The following NSMCE2 variants were observed in gnomAD, a reference collection of about 807,000 sequenced individuals.
NSMCE2 encodes the protein E3 SUMO-protein ligase NSE2.
A neutral mutation model predicts 23.8 loss-of-function variants in NSMCE2; 24 were observed. That is an observed-to-expected ratio of 1.01 (90% confidence interval 0.73 to 1.42). The LOEUF is 1.42. Ranked by LOEUF, NSMCE2 falls within the 40% of genes most tolerant of loss-of-function variation. The pLI, the probability that NSMCE2 is intolerant of heterozygous loss-of-function variation, is 0.00. For synonymous variants in NSMCE2, 92 were observed against 94.1 expected, an observed-to-expected ratio of 0.98 and a Z score of 0.13; for missense variants, 284 against 296.5, an observed-to-expected ratio of 0.96 and a Z score of 0.31.
At chr8:125,341,897 GAAAA>G (rs61204647) in intron 5 of NSMCE2, among the ~76,000 whole-genome samples, 3,144 of 83,324 alleles carry the variant, frequency 0.038, 43 homozygotes, top group Middle Eastern at 0.065. Flanking sequence ...TCTAGAAATG[GAAAA>G]AAAAAAAAAA....
At chr8:125,206,896 A>G (rs927396686) in intron 5 of NSMCE2, among the ~76,000 whole-genome samples, 1 of 151,958 alleles carries the variant, frequency 6.6e-6, no homozygotes, top group Non-Finnish European at 1.5e-5. Flanking sequence ...CCTAGGGAGA[A>G]GAAGAAGAGG....
intron 5 of NSMCE2, among the ~76,000 whole-genome samples, chr8:125,255,287 G>A (rs1415377044): frequency 4.6e-5 from 7 of 152,176 alleles, no homozygotes; most frequent in African/African-American, 1.7e-4. Context: ...ATAAATGACT[G>A]TTGAGTTAAG....
At chr8:125,215,185 TC>T (rs1217318727) in intron 5 of NSMCE2, among the ~76,000 whole-genome samples, 1 of 123,730 alleles carries the variant, frequency 8.1e-6, no homozygotes, top group Non-Finnish European at 1.7e-5. Context: ...GTGCTATCCC[TC>T]CCCCCTCCCC....
intron 5 of NSMCE2, among the ~76,000 whole-genome samples, chr8:125,331,006 TAAGA>T (rs922994891): frequency 6.6e-6 from 1 of 152,116 alleles, no homozygotes; most frequent in South Asian, 2.1e-4. Context: ...TGTCATATAT[TAAGA>T]AAGAAAGGTG....
chr8:125,114,686 C>T (rs1818911812), intron 3 of NSMCE2, among the ~76,000 whole-genome samples: 1 of 152,134 alleles, frequency 6.6e-6, no homozygotes, highest in Non-Finnish European at 1.5e-5. Flanking sequence ...TGGGACAGCC[C>T]CTGCACAGCA....
chr8:125,356,326 GTTTTTTT>G lies in NSMCE2; in HGVS notation c.419-878_419-872del, dbSNP rs747884264. On this transcript the variant is annotated intron_variant, in intron 5 of 7. Coordinates refer to ENST00000287437, the MANE Select transcript of NSMCE2 (RefSeq NM_173685.4). ...TATTACTGTTACTTTTAATTTTTTG[GTTTTTTT>G]TTTTTTTTTTTTTTGAGACAGAGTC... is the stretch of plus-strand genomic sequence containing the variant. Among the ~76,000 whole-genome samples the G allele has an allele frequency of 3.1e-3, 323 of 105,462 alleles. 1 individual carries two copies. The highest frequency in any genetic ancestry group is 0.011 in the African/African-American group (309 of 28,072). 69.2% of individuals were successfully genotyped at this position (105,462 alleles called of 152,430 possible).
At position 125,278,170 on chromosome 8, in the gene NSMCE2, T is replaced by C. The variant is rs115413078; in HGVS notation, c.419-79049T>C. The stretch of plus-strand genomic sequence containing the variant: ...TGGAAGGAAGGAAGCATGGGTATTT[T>C]ACATTATTATTTTGTTTTGTTTTCT... On this transcript the variant is annotated intron_variant, in intron 5 of 7. Transcript: ENST00000287437. Among the ~76,000 whole-genome samples, 900 of 152,318 alleles carry C rather than the reference T, an allele frequency of 5.9e-3. 10 individuals are homozygous for C. The highest frequency in any genetic ancestry group is 0.019 in the African/African-American group (806 of 41,564).
At chr8:125,356,570 G>T (rs1443275563) in intron 5 of NSMCE2, among the ~76,000 whole-genome samples, 1 of 151,944 alleles carries the variant, frequency 6.6e-6, no homozygotes, top group East Asian at 1.9e-4. Flanking sequence ...CTCGTGATCC[G>T]CCCACCTCAG....
intron 5 of NSMCE2, among the ~76,000 whole-genome samples, chr8:125,234,935 T>C (rs1036774025): frequency 6.6e-6 from 1 of 152,068 alleles, no homozygotes; most frequent in Non-Finnish European, 1.5e-5. Flanking sequence ...AGAGCCCATT[T>C]CAAGTCCTGG....
intron 5 of NSMCE2, among the ~76,000 whole-genome samples, chr8:125,223,926 T>C (rs867336727): frequency 2.0e-5 from 3 of 151,706 alleles, no homozygotes; most frequent in Admixed American, 6.6e-5. Flanking sequence ...AGCCTTGATC[T>C]TCCTGGTTCA....
At chr8:125,140,937 G>GA (rs554818088) in intron 3 of NSMCE2, among the ~76,000 whole-genome samples, 56 of 152,212 alleles carry the variant, frequency 3.7e-4, no homozygotes, top group South Asian at 2.1e-3. Flanking sequence ...GAAAGATGTG[G>GA]AAAAAAGATA....
chr8:125,340,569 A>G (rs1329473317), intron 5 of NSMCE2, among the ~76,000 whole-genome samples: 4 of 152,164 alleles, frequency 2.6e-5, no homozygotes, highest in Admixed American at 2.6e-4. Flanking sequence ...ATGCTGAATT[A>G]TATTTTTGGA....
chr8:125,096,577 G>A (rs1213306984), intron 1 of NSMCE2, among the ~76,000 whole-genome samples: 1 of 100,902 alleles, frequency 9.9e-6, no homozygotes, highest in East Asian at 2.6e-4. Flanking sequence ...GTCACTTTTT[G>A]TTTTGATTGT....
At chr8:125,363,303 G>A (rs1429223248) in intron 7 of NSMCE2, 1 of 152,106 alleles carries the variant, frequency 6.6e-6, no homozygotes, top group Non-Finnish European at 1.5e-5. Flanking sequence ...AGGAGTTCAG[G>A]ACCAGCCTGG....
intron 5 of NSMCE2, among the ~76,000 whole-genome samples, chr8:125,282,932 A>G (rs1422242314): frequency 6.6e-6 from 1 of 152,244 alleles, no homozygotes; most frequent in East Asian, 1.9e-4. Context: ...GAGGGCATCT[A>G]TGCTAATTGT....
intron 5 of NSMCE2, among the ~76,000 whole-genome samples, chr8:125,320,841 G>A (rs1186533242): frequency 1.3e-5 from 2 of 152,204 alleles, no homozygotes; most frequent in Admixed American, 6.5e-5. Context: ...AAAGCAGAGA[G>A]GTTTAATTGG....
chr8:125,116,424 C>T (rs575975573), intron 3 of NSMCE2, among the ~76,000 whole-genome samples: 1 of 152,166 alleles, frequency 6.6e-6, no homozygotes, highest in East Asian at 1.9e-4. Flanking sequence ...TTATTATTTC[C>T]ATTTTACTTG....
At chr8:125,327,062 A>G (rs1035675054) in intron 5 of NSMCE2, among the ~76,000 whole-genome samples, 4 of 151,810 alleles carry the variant, frequency 2.6e-5, no homozygotes, top group African/African-American at 9.7e-5. Context: ...CAGGAGTTCC[A>G]CACCAGCCTG....
At chr8:125,320,467 T>C (rs1829408872) in intron 5 of NSMCE2, among the ~76,000 whole-genome samples, 1 of 151,598 alleles carries the variant, frequency 6.6e-6, no homozygotes, top group Non-Finnish European at 1.5e-5. Flanking sequence ...AAATGAGTGA[T>C]AAAGGGAAAA....
Sources: allele counts gnomAD v4.1 joint callset (sites outside exome capture counted in the v4.1 genomes callset), GRCh38; gene constraint gnomAD v4.1.1; transcripts MANE v1.5; gene names NCBI Gene and HGNC (gene_info 2026-07-23, HGNC 2026-07-21).